The following HEXB variants were observed in gnomAD, a reference collection of about 807,000 sequenced individuals.
The protein encoded by HEXB is beta-hexosaminidase subunit beta.
A neutral mutation model predicts 71.2 loss-of-function variants in HEXB; 51 were observed. The ratio of observed to expected loss-of-function variants is 0.72; its 90% CI spans 0.57 to 0.90. The LOEUF is 0.90. HEXB is among the 40% of genes least tolerant of loss of function. The pLI is 0.00. For synonymous variants in HEXB, 266 were observed against 249.3 expected (o/e 1.07, Z -0.63); for missense variants, 617 against 677.0 (o/e 0.91, Z 0.98).
At chr5:74,653,999 A>G (rs59181501) in intron 1 of HEXB, among the ~76,000 whole-genome samples, 45,861 of 151,946 alleles carry the variant, frequency 0.3, 7,777 homozygotes, top group African/African-American at 0.44. Flanking sequence ...GGTGTCACTT[A>G]TCCTATGGAC....
chr5:74,707,199 T>C (rs1251497581), intron 6 of HEXB, among the ~76,000 whole-genome samples: 2 of 152,040 alleles, frequency 1.3e-5, no homozygotes, highest in African/African-American at 2.4e-5. Context: ...AGTGGACCTC[T>C]AGCAAACTCC....
chr5:74,681,999 C>T (rs1211095498), upstream of HEXB, among the ~76,000 whole-genome samples: 1 of 152,252 alleles, frequency 6.6e-6, no homozygotes, highest in Non-Finnish European at 1.5e-5. Context: ...GTAACTCAGG[C>T]TTTCAGCCAG....
chr5:74,690,702 T>C, intron 2 of HEXB, among the ~76,000 whole-genome samples: 1 of 111,686 alleles, frequency 9.0e-6, no homozygotes, highest in East Asian at 2.8e-4. Context: ...AAAAAAAAGA[T>C]AGGATGCCAC....
intron 1 of HEXB, among the ~76,000 whole-genome samples, chr5:74,655,199 A>G (rs1192858981): frequency 6.6e-6 from 1 of 152,134 alleles, no homozygotes; most frequent in Non-Finnish European, 1.5e-5. Context: ...AGAAAATGAC[A>G]TGGTTGTTCA....
intron 6 of HEXB, among the ~76,000 whole-genome samples, chr5:74,709,877 A>T (rs1001212229): frequency 2.0e-5 from 3 of 152,134 alleles, no homozygotes; most frequent in Non-Finnish European, 4.4e-5. Flanking sequence ...AACTGGTACC[A>T]TTCCTTCTGA....
Position 74,716,620 on chromosome 5 carries a change from G to GC in HEXB, c.1117dup (p.Gln373ProfsTer9). ...ATCCAAAAATTCAAGATTTCATGAG[G>GC]CAAAAAGGCTTTGGCACAGATTTTA... On this transcript the variant is annotated frameshift_variant, in exon 9 of 14. Coordinates refer to ENST00000261416, the MANE Select transcript of HEXB (RefSeq NM_000521.4). LOFTEE classifies it high-confidence loss of function. 6.2e-7 allele frequency: 1 copy of GC among 1,609,774 alleles called. No homozygotes were observed. Among genetic ancestry groups the GC allele is most frequent in the Non-Finnish European group, 8.5e-7 (1 of 1,178,014 alleles).
chr5:74,719,477 C>T (rs1376376399), intron 11 of HEXB, among the ~76,000 whole-genome samples: 1 of 152,080 alleles, frequency 6.6e-6, no homozygotes, highest in Non-Finnish European at 1.5e-5. Context: ...AGATCCCCTT[C>T]ATAAAAAACA....
At position 74,715,675 on chromosome 5, in the gene HEXB, T is replaced by G; in HGVS notation, c.1067T>G (p.Val356Gly). ...DQFIHLGGDE[V>G]EFKCWESNPK... ...TTCATTCATTTGGGAGGAGATGAAGTGGAATTTAAATGTTGGTAAGATGAT... is the reference window on the plus strand; with the variant it reads ...TTCATTCATTTGGGAGGAGATGAAGGGGAATTTAAATGTTGGTAAGATGAT... The change falls in exon 8 of 14, where the codon GTG (valine) becomes GGG (glycine). Residue 356 changes from valine (V) to glycine (G), a missense_variant. Physicochemically the swap from Val to Gly is moderately radical, Grantham distance 109. Transcript: ENST00000261416. 6.2e-7 allele frequency: 1 copy of G among 1,605,092 alleles called. No individual in the cohort carries two copies. The highest frequency in any genetic ancestry group is 8.5e-7 in the Non-Finnish European group (1 of 1,173,040).
At chr5:74,670,402 T>C (rs2112101303) in intron 1 of HEXB, among the ~76,000 whole-genome samples, 1 of 152,216 alleles carries the variant, frequency 6.6e-6, no homozygotes, top group Admixed American at 6.5e-5. Flanking sequence ...CTCAATAAAA[T>C]TATTCTCCAC....
chr5:74,641,091 G>C lies in HEXB; in HGVS notation c.-377+533G>C, dbSNP rs1341120441. The C allele has an allele frequency of 1.3e-5, 2 of 152,158 alleles. No individual in the cohort carries two copies. Among genetic ancestry groups the C allele is most frequent in the East Asian group, 1.9e-4 (1 of 5,176 alleles). 9.4% of individuals were successfully genotyped at this position (152,158 alleles called of 1,614,324 possible). A position where few individuals can be genotyped will look rare whatever the true frequency, so the allele number is the denominator to read the frequency against. ...TTAATGGACAGCCCCGGATCTGAGG[G>C]ACCCACCTTAGGGGAGCGCAGCCCG... On this transcript the variant is annotated intron_variant, in intron 1 of 13. Transcript: ENST00000511181. This position sits in a 1 kb window ranked among gnomAD's most constrained non-coding sequence, Gnocchi z 4.1.
chr5:74,682,165 T>A (rs1278221986), upstream of HEXB, among the ~76,000 whole-genome samples: 1 of 152,242 alleles, frequency 6.6e-6, no homozygotes, highest in Admixed American at 6.5e-5. Context: ...GAGACCATCC[T>A]GGCTAACACG....
chr5:74,677,487 C>CT (rs1561210601), intron 1 of HEXB, among the ~76,000 whole-genome samples: 1 of 129,972 alleles, frequency 7.7e-6, no homozygotes, highest in African/African-American at 2.9e-5. Flanking sequence ...TTTTCTTCTT[C>CT]TTCTTTTTTT....
intron 1 of HEXB, among the ~76,000 whole-genome samples, chr5:74,654,916 A>C (rs1748188653): frequency 6.6e-6 from 1 of 152,130 alleles, no homozygotes; most frequent in Non-Finnish European, 1.5e-5. Flanking sequence ...TGACTGGGAC[A>C]GCGGGGGAGT....
intron 5 of HEXB, among the ~76,000 whole-genome samples, chr5:74,697,680 A>G (rs1339236191): frequency 6.8e-6 from 1 of 146,532 alleles, no homozygotes; most frequent in Non-Finnish European, 1.5e-5. Flanking sequence ...GTGAGCCGAG[A>G]TCGCACCACC....
intron 9 of HEXB, among the ~76,000 whole-genome samples, chr5:74,717,264 C>T (rs2112178085): frequency 6.6e-6 from 1 of 152,200 alleles, no homozygotes; most frequent in Non-Finnish European, 1.5e-5. Context: ...TACCATCCAG[C>T]CCCTGGAATT....
At chr5:74,649,167 C>T (rs917702792) in intron 1 of HEXB, among the ~76,000 whole-genome samples, 1 of 152,168 alleles carries the variant, frequency 6.6e-6, no homozygotes, top group East Asian at 1.9e-4. Context: ...ATCTGGGGTC[C>T]GGCCGGCCTG....
chr5:74,673,044 A>G (rs941868248), intron 1 of HEXB, among the ~76,000 whole-genome samples: 7 of 152,240 alleles, frequency 4.6e-5, no homozygotes, highest in Admixed American at 4.6e-4. Flanking sequence ...GCATTAACAG[A>G]TCAAATGAAT....
intron 2 of HEXB, among the ~76,000 whole-genome samples, chr5:74,692,199 A>AT (rs1008600791): frequency 3.3e-5 from 5 of 152,124 alleles, no homozygotes; most frequent in Non-Finnish European, 7.4e-5. Flanking sequence ...TAGGTAGCTG[A>AT]TTAAGAATTT....
chr5:74,705,233 T>C lies in HEXB; in HGVS notation c.684T>C (p.Phe228=). ...TTTGCTTGCAGGATGCCATGGCTTT[T>C]AATAAGTTTAATGTTCTTCACTGGC... The part of the protein sequence containing the change: ...IILKTLDAMA[F]NKFNVLHWHI... The change falls in exon 6 of 14, where the codon TTT becomes TTC. Residue 228 remains phenylalanine, a synonymous_variant. Coordinates refer to ENST00000261416, the MANE Select transcript of HEXB (RefSeq NM_000521.4). The C allele has an allele frequency of 6.2e-7, 1 of 1,606,648 alleles. No homozygotes were observed. The highest frequency in any genetic ancestry group is 8.5e-7 in the Non-Finnish European group (1 of 1,173,238).
Sources: allele counts gnomAD v4.1 joint callset (sites outside exome capture counted in the v4.1 genomes callset), GRCh38; gene constraint gnomAD v4.1.1; non-coding constraint Gnocchi (gnomAD v3.1); transcripts MANE v1.5; gene names NCBI Gene and HGNC (gene_info 2026-07-23, HGNC 2026-07-21).